DSCAM: variants seen among roughly 807,000 people sequenced by gnomAD.
The protein encoded by DSCAM is cell adhesion molecule DSCAM.
Under a neutral mutation model 217.7 loss-of-function variants are expected in DSCAM, and 47 were observed. The observed-to-expected ratio is 0.22, with a 90% CI of 0.17 to 0.28. The LOEUF is 0.28. Among genes scored for constraint, DSCAM ranks in the 10% least tolerant of loss-of-function variants. The probability of loss-of-function intolerance (pLI) is 1.00; values close to 1 mark genes in which losing one functional copy is unlikely to be tolerated. For synonymous variants in DSCAM, 1,056 were observed against 1,015.3 expected, an observed-to-expected ratio of 1.04 and a Z score of -0.76; for missense variants, 2,080 against 2,618.3, an observed-to-expected ratio of 0.79 and a Z score of 4.49.
chr21:40,447,835 G>A (rs2075687338), intron 3 of DSCAM, among the ~76,000 whole-genome samples: 1 of 152,198 alleles, frequency 6.6e-6, no homozygotes, highest in African/African-American at 2.4e-5. Flanking sequence ...ACGAGGAGGA[G>A]CGTGATGCTT....
chr21:40,048,502 G>A (rs556115805), intron 30 of DSCAM, among the ~76,000 whole-genome samples: 2 of 152,172 alleles, frequency 1.3e-5, no homozygotes, highest in African/African-American at 2.4e-5. Flanking sequence ...ATAGCAAATT[G>A]TTATGATTTC....
At chr21:40,736,408 T>A (rs943605026) in intron 1 of DSCAM, among the ~76,000 whole-genome samples, 3 of 152,228 alleles carry the variant, frequency 2.0e-5, no homozygotes, top group Non-Finnish European at 4.4e-5. Flanking sequence ...GCCGTGGGTA[T>A]ATTAGTTTGC....
intron 10 of DSCAM, among the ~76,000 whole-genome samples, chr21:40,288,157 C>A (rs1231080548): frequency 6.6e-6 from 1 of 152,158 alleles, no homozygotes; most frequent in Non-Finnish European, 1.5e-5. Context: ...CAGCTCTTGA[C>A]CCCTTTCCGC....
chr21:40,257,037 G>A (rs2073381967), intron 11 of DSCAM, among the ~76,000 whole-genome samples: 1 of 152,172 alleles, frequency 6.6e-6, no homozygotes, highest in African/African-American at 2.4e-5. Flanking sequence ...CTACTATGAT[G>A]TGAAGTTGAC....
chr21:40,251,867 A>C (rs2146961839), intron 11 of DSCAM, among the ~76,000 whole-genome samples: 1 of 152,236 alleles, frequency 6.6e-6, no homozygotes, highest in East Asian at 1.9e-4. Flanking sequence ...TTTTTAAAAC[A>C]AAACAAAACA....
chr21:40,047,493 A>C (rs2088860424), intron 30 of DSCAM, among the ~76,000 whole-genome samples: 1 of 152,216 alleles, frequency 6.6e-6, no homozygotes, highest in Non-Finnish European at 1.5e-5. Context: ...TGGCCTTTCA[A>C]CATGGGGTTT....
At chr21:40,729,373 A>C (rs1423768432) in intron 1 of DSCAM, among the ~76,000 whole-genome samples, 1 of 152,238 alleles carries the variant, frequency 6.6e-6, no homozygotes, top group Non-Finnish European at 1.5e-5. Context: ...GGACACACAC[A>C]GTTCTGTTTC....
intron 27 of DSCAM, among the ~76,000 whole-genome samples, chr21:40,066,586 T>C (rs1390150371): frequency 1.3e-5 from 2 of 152,256 alleles, no homozygotes; most frequent in Admixed American, 6.5e-5. Context: ...ATGCTCATTA[T>C]ACGTGTTGCA....
At chr21:40,197,056 G>T (rs1661689407) in intron 11 of DSCAM, among the ~76,000 whole-genome samples, 1 of 152,126 alleles carries the variant, frequency 6.6e-6, no homozygotes, top group Admixed American at 6.6e-5. Context: ...TAGAATATAA[G>T]AGAATTTTGG....
At chr21:40,423,557 T>C (rs2075444778) in intron 3 of DSCAM, among the ~76,000 whole-genome samples, 1 of 152,212 alleles carries the variant, frequency 6.6e-6, no homozygotes, top group Non-Finnish European at 1.5e-5. Context: ...CACTTGTCCT[T>C]CAAGTTGCCT....
intron 9 of DSCAM, among the ~76,000 whole-genome samples, chr21:40,311,840 A>G (rs2074140900): frequency 6.6e-6 from 1 of 151,380 alleles, no homozygotes; most frequent in Non-Finnish European, 1.5e-5. Context: ...TATGGTTCCC[A>G]CCTTCTTAGC....
At chr21:40,730,182 TA>T (rs886138489) in intron 1 of DSCAM, among the ~76,000 whole-genome samples, 2 of 152,172 alleles carry the variant, frequency 1.3e-5, no homozygotes, top group African/African-American at 4.8e-5. Context: ...CAGGAGGTCA[TA>T]AAATAGAGTC....
intron 3 of DSCAM, among the ~76,000 whole-genome samples, chr21:40,485,232 T>A (rs949653510): frequency 3.6e-5 from 5 of 139,890 alleles, no homozygotes; most frequent in African/African-American, 8.4e-5. Context: ...ACACTGACTT[T>A]CTTTCTTTTT....
Position 40,142,700 on chromosome 21 carries a change from G to C in DSCAM, c.3264C>G (p.Pro1088=). 1.2e-6 allele frequency: 2 copies of C among 1,613,622 alleles called. No individual in the cohort carries two copies. The highest frequency in any genetic ancestry group is 1.7e-6 in the Non-Finnish European group (2 of 1,179,780). Reference sequence around the variant, plus strand: ...CTTGGACATTTTCGGGGGGGTAACTGGGCACTGAAATCAAATAATTAGAAT... The same window carrying C: ...CTTGGACATTTTCGGGGGGGTAACTCGGCACTGAAATCAAATAATTAGAAT... The part of the protein sequence containing the change: ...EIITTTLEDV[P]SYPPENVQAI... Residue 1088 remains proline, a synonymous_variant, in exon 18 of 33, where the codon CCC becomes CCG. Transcript: ENST00000400454.
At chr21:40,756,169 G>A (rs545650896) in intron 1 of DSCAM, among the ~76,000 whole-genome samples, 28 of 152,254 alleles carry the variant, frequency 1.8e-4, no homozygotes, top group Middle Eastern at 3.4e-3. Context: ...TCACGATAAT[G>A]AGTGAGTTCT....
intron 3 of DSCAM, among the ~76,000 whole-genome samples, chr21:40,643,043 G>C (rs1189827645): frequency 6.6e-6 from 1 of 152,188 alleles, no homozygotes; most frequent in Non-Finnish European, 1.5e-5. Flanking sequence ...GCAGTCTCTG[G>C]AGTGAACTAA....
chr21:40,129,330 A>T (rs188441487), intron 19 of DSCAM, among the ~76,000 whole-genome samples: 4 of 152,316 alleles, frequency 2.6e-5, no homozygotes, highest in Non-Finnish European at 5.9e-5. Flanking sequence ...CATGTCCATA[A>T]GACTCTAGTA....
chr21:40,641,409 T>C (rs2089878094), intron 3 of DSCAM, among the ~76,000 whole-genome samples: 1 of 152,218 alleles, frequency 6.6e-6, no homozygotes, highest in Non-Finnish European at 1.5e-5. Flanking sequence ...ATGCTTTCTC[T>C]TTCTCTAGAA....
chr21:40,690,007 C>T (rs747513313), intron 3 of DSCAM, among the ~76,000 whole-genome samples: 1 of 152,138 alleles, frequency 6.6e-6, no homozygotes, highest in Non-Finnish European at 1.5e-5. Flanking sequence ...CTTTTAGCGG[C>T]CTCCACCCCG....
Sources: allele counts gnomAD v4.1 joint callset (sites outside exome capture counted in the v4.1 genomes callset), GRCh38; gene constraint gnomAD v4.1.1; transcripts MANE v1.5; gene names NCBI Gene and HGNC (gene_info 2026-07-23, HGNC 2026-07-21).